ARID3A: variants seen among roughly 807,000 people sequenced by gnomAD.
ARID3A encodes the protein AT-rich interactive domain-containing protein 3A.
In ARID3A, 11 loss-of-function variants were observed where a neutral mutation model predicts 52.7. The ratio of observed to expected loss-of-function variants is 0.21; its 90% CI spans 0.13 to 0.35. The LOEUF is 0.35. ARID3A is among the 10% of genes least tolerant of loss of function. The pLI is 1.00. For missense variants in ARID3A, 721 were observed against 838.5 expected (o/e 0.86, Z 1.73); for synonymous variants, 404 against 359.4 (o/e 1.12, Z -1.40).
Position 964,968 on chromosome 19 carries a change from G to A in ARID3A, c.1086G>A (p.Ser362=), listed in dbSNP as rs374271087. ...QSFGGSLFAY[S]PGGAHGMLSS... ...TTGGTGGCTCCCTCTTTGCCTACTC[G>A]CCAGGCGGGGCACACGGCATGCTCT... Residue 362 remains serine, a synonymous_variant, in exon 6 of 9, where the codon TCG becomes TCA. Coordinates refer to ENST00000263620, the MANE Select transcript of ARID3A (RefSeq NM_005224.3). The surrounding 1 kb of genome is among the most constrained non-coding windows in gnomAD (Gnocchi z 5.7). 26 of 1,613,664 alleles carry A rather than the reference G, an allele frequency of 1.6e-5. No homozygotes were observed. Among genetic ancestry groups the A allele is most frequent in the South Asian group, 2.2e-5 (2 of 91,084 alleles).
At chr19:927,058 T>G (rs2037215761) in intron 1 of ARID3A, among the ~76,000 whole-genome samples, 2 of 149,378 alleles carry the variant, frequency 1.3e-5, no homozygotes, top group South Asian at 2.2e-4. Flanking sequence ...CCCCCTCCTC[T>G]TCCCTTCGTG....
At chr19:958,870 G>GC (rs1477538718) in intron 3 of ARID3A, among the ~76,000 whole-genome samples, 1 of 152,036 alleles carries the variant, frequency 6.6e-6, no homozygotes, top group Admixed American at 6.6e-5. Flanking sequence ...TCCAGCCTGG[G>GC]GACAGCGAGA....
intron 2 of ARID3A, among the ~76,000 whole-genome samples, chr19:930,932 G>A (rs547167904): frequency 2.6e-4 from 40 of 152,314 alleles, no homozygotes; most frequent in African/African-American, 9.4e-4. Flanking sequence ...TCCCCCCAGG[G>A]CTGGCTGAGG....
In ARID3A at chr19:975,008, G is replaced by GT. The variant is rs2038352054; in HGVS notation, c.*2944dup. 4.3e-6 allele frequency: 1 copy of GT among 232,256 alleles called. No individual in the cohort carries two copies. Among genetic ancestry groups the GT allele is most frequent in the Non-Finnish European group, 8.5e-6 (1 of 117,484 alleles). 14.4% of individuals were successfully genotyped at this position (232,256 alleles called of 1,614,324 possible). ...GGTCCTGGATACTCGGCAGGAAGCCGTGTCTGCAGAGGCTCCTCCCTGCCT... is the reference window on the plus strand; with the variant it reads ...GGTCCTGGATACTCGGCAGGAAGCCGTTGTCTGCAGAGGCTCCTCCCTGCCT... On this transcript the variant is annotated 3_prime_UTR_variant, in exon 9 of 9. Transcript: ENST00000263620.
rs2037560719 is a variant in ARID3A at position 941,811 on chromosome 19, G to C, written c.693+9069G>C. Among the ~76,000 whole-genome samples the C allele has an allele frequency of 6.7e-6, 1 of 148,552 alleles. No homozygotes were observed. The highest frequency in any genetic ancestry group is 1.5e-5 in the Non-Finnish European group (1 of 67,450). ...TGTGTGTGTGTGTGTGTGTGTGTCA[G>C]GGGTGGCTGCAAGCGTATGTGTGTG... On this transcript the variant is annotated intron_variant, in intron 3 of 8. Coordinates refer to ENST00000263620, the MANE Select transcript of ARID3A (RefSeq NM_005224.3). This position sits in a 1 kb window ranked among gnomAD's most constrained non-coding sequence, Gnocchi z 6.9.
At chr19:933,106 CAG>C (rs1445966225) in intron 3 of ARID3A, among the ~76,000 whole-genome samples, 2 of 152,016 alleles carry the variant, frequency 1.3e-5, no homozygotes, top group African/African-American at 4.8e-5. Flanking sequence ...GCGATGCGGG[CAG>C]AGAGGCCGGG....
At position 952,602 on chromosome 19, in the gene ARID3A, T is replaced by C. The variant is rs1321001216; in HGVS notation, c.694-7490T>C. Among the ~76,000 whole-genome samples the C allele has an allele frequency of 2.6e-5, 4 of 152,280 alleles. No individual in the cohort carries two copies. In the East Asian group the frequency reaches 7.7e-4, roughly 29 times the overall value. ...AAACGCTAGACACTTGGATTCTTTCTTGGATTTCCCTGAATTCTGTGGCCA... is the reference window on the plus strand; with the variant it reads ...AAACGCTAGACACTTGGATTCTTTCCTGGATTTCCCTGAATTCTGTGGCCA... On this transcript the variant is annotated intron_variant, in intron 3 of 8. Transcript: ENST00000263620.
chr19:967,708 C>G (rs1432129192), intron 7 of ARID3A, among the ~76,000 whole-genome samples: 2 of 152,142 alleles, frequency 1.3e-5, no homozygotes, highest in African/African-American at 4.8e-5. Context: ...GTTGGCGAGA[C>G]AGACAGAAAA....
intron 4 of ARID3A, chr19:961,926 C>A (rs1485716064): frequency 6.6e-6 from 1 of 152,236 alleles, no homozygotes; most frequent in Non-Finnish European, 1.5e-5. Context: ...CTCAAACAAA[C>A]AAAAAGCAGG....
rs10637085 is a variant in ARID3A, at chr19:972,222, GAT to G, written c.*181_*182del. On this transcript the variant is annotated 3_prime_UTR_variant, in exon 9 of 9. Coordinates refer to ENST00000263620, the MANE Select transcript of ARID3A (RefSeq NM_005224.3). ...CTGACGCCAAAAAGAAAAGAAAAAA[GAT>G]ATATATATATATATATATATATACA... 1.8e-3 allele frequency: 407 copies of G among 222,382 alleles called. No homozygotes were observed. The highest frequency in any genetic ancestry group is 4.5e-3 in the Middle Eastern group (3 of 670). 13.8% of individuals were successfully genotyped at this position (222,382 alleles called of 1,614,324 possible).
At chr19:927,415 C>T (rs2037224664) in intron 1 of ARID3A, among the ~76,000 whole-genome samples, 1 of 152,086 alleles carries the variant, frequency 6.6e-6, no homozygotes, top group Non-Finnish European at 1.5e-5. Flanking sequence ...GGATCCCCAC[C>T]TGCCCCCTCC....
Position 942,201 on chromosome 19 carries a change from C to T in ARID3A, c.693+9459C>T, listed in dbSNP as rs559966709. Among the ~76,000 whole-genome samples the T allele has an allele frequency of 9.9e-5, 15 of 152,280 alleles. No homozygotes were observed. The South Asian group carries it at 1.5e-3, about 15-fold the overall frequency. ...ACCCTCTCCGACCCCGAGGAGCTGC[C>T]GGCAGAGCCCTGTCCACTCTTGCCT... On this transcript the variant is annotated intron_variant, in intron 3 of 8. Coordinates refer to ENST00000263620, the MANE Select transcript of ARID3A (RefSeq NM_005224.3). This position sits in a 1 kb window ranked among gnomAD's most constrained non-coding sequence, Gnocchi z 8.1.
intron 3 of ARID3A, among the ~76,000 whole-genome samples, chr19:945,503 C>T (rs1347138282): frequency 6.6e-6 from 1 of 152,148 alleles, no homozygotes; most frequent in Non-Finnish European, 1.5e-5. Flanking sequence ...GTCCCTGGAG[C>T]GGGCAGAGCC....
In ARID3A at chr19:975,557, G is replaced by A. The variant is rs993581637; in HGVS notation, c.*3492G>A. The A allele has an allele frequency of 3.2e-5, 7 of 218,038 alleles. No homozygotes were observed. Among genetic ancestry groups the A allele is most frequent in the Admixed American group, 2.3e-4 (4 of 17,228 alleles). The allele number at this position is 218,038 out of a possible 1,614,324, so 13.5% of individuals were successfully genotyped here. ...TCAGTTTCTCTGGAGTTTGTCAGACGGCGTGGGAACCACGCCTGAAACTCA... is the reference window on the plus strand; with the variant it reads ...TCAGTTTCTCTGGAGTTTGTCAGACAGCGTGGGAACCACGCCTGAAACTCA... On this transcript the variant is annotated 3_prime_UTR_variant, in exon 9 of 9. Coordinates refer to ENST00000263620, the MANE Select transcript of ARID3A (RefSeq NM_005224.3).
rs1377975203 is a variant in ARID3A, at chr19:964,674, G to A, written c.951-159G>A. Among the ~76,000 whole-genome samples the A allele has an allele frequency of 1.3e-5, 2 of 152,194 alleles. No individual in the cohort carries two copies. Among genetic ancestry groups the A allele is most frequent in the African/African-American group, 4.8e-5 (2 of 41,454 alleles). On this transcript the variant is annotated intron_variant, in intron 5 of 8. Coordinates refer to ENST00000263620, the MANE Select transcript of ARID3A (RefSeq NM_005224.3). The surrounding 1 kb of genome is among the most constrained non-coding windows in gnomAD (Gnocchi z 5.7). Reference sequence around the variant, plus strand: ...TTGCGAGGAACAGCATTGAGATGGAGGGAATGGGCAAAGGCCCAGCAGCTC... The same window carrying A: ...TTGCGAGGAACAGCATTGAGATGGAAGGAATGGGCAAAGGCCCAGCAGCTC...
rs190738809 is a variant in ARID3A at position 971,791 on chromosome 19, C to T, written c.1595-87C>T. 1.4e-5 allele frequency: 20 copies of T among 1,462,418 alleles called. No individual in the cohort carries two copies. In the East Asian group the frequency reaches 4.2e-4, roughly 30 times the overall value. The allele number at this position is 1,462,418 out of a possible 1,614,324, so 90.6% of individuals were successfully genotyped here. A position where few individuals can be genotyped will look rare whatever the true frequency, so the allele number is the denominator to read the frequency against. ...GACAGAGTGAGAGAGAAGTTTATTC[C>T]CCGGAGCACCCCATTGGGTCTCCCT... On this transcript the variant is annotated intron_variant, in intron 8 of 8. Transcript: ENST00000263620.
In ARID3A at chr19:947,899, C is replaced by T. The variant is rs779840430; in HGVS notation, c.694-12193C>T. 1.3e-5 allele frequency among the ~76,000 whole-genome samples: 2 copies of T among 152,198 alleles called. No individual in the cohort carries two copies. Among genetic ancestry groups the T allele is most frequent in the Admixed American group, 6.5e-5 (1 of 15,280 alleles). On this transcript the variant is annotated intron_variant, in intron 3 of 8. Coordinates refer to ENST00000263620, the MANE Select transcript of ARID3A (RefSeq NM_005224.3). The surrounding 1 kb of genome is among the most constrained non-coding windows in gnomAD (Gnocchi z 6.3). ...CGGGGCTCTCAGCATCTGCATCCGC[C>T]GAGGCCTGGCTGTGCTGACGGGAAT...
intron 3 of ARID3A, among the ~76,000 whole-genome samples, chr19:950,497 CAG>C (rs952807090): frequency 9.3e-5 from 14 of 150,046 alleles, no homozygotes; most frequent in Non-Finnish European, 8.8e-5. Flanking sequence ...GGGGCCCACT[CAG>C]GGAAAGAGGG....
At chr19:971,651 G>A (rs1471622030) in intron 8 of ARID3A, among the ~76,000 whole-genome samples, 1 of 152,098 alleles carries the variant, frequency 6.6e-6, no homozygotes, top group Admixed American at 6.6e-5. Context: ...GCCAGACATG[G>A]TGGCACGCCC....
Sources: gnomAD v4.1 joint callset for allele counts (sites outside exome capture counted in the v4.1 genomes callset) on GRCh38, gnomAD v4.1.1 for gene constraint, Gnocchi (gnomAD v3.1) non-coding constraint, MANE v1.5 for transcripts, NCBI Gene and HGNC (gene_info 2026-07-23, HGNC 2026-07-21) for gene names.